Variants in TTC39B observed in about 807,000 individuals in gnomAD.
TTC39B encodes tetratricopeptide repeat domain 39B.
A neutral mutation model predicts 96.6 loss-of-function variants in TTC39B; 92 were observed. That is an observed-to-expected ratio of 0.95 (90% CI 0.80 to 1.13). The LOEUF (loss-of-function observed/expected upper bound fraction) is 1.13. Among genes scored for constraint, TTC39B ranks in the 50% most tolerant of loss-of-function variants. The pLI, the probability that TTC39B is intolerant of heterozygous loss-of-function variation, is 0.00. For synonymous variants in TTC39B, 367 were observed against 299.4 expected (o/e 1.23, Z -2.33); for missense variants, 955 against 809.3 (o/e 1.18, Z -2.18).
chr9:15,218,635 A>AAAAAAAAAAAAT (rs374054306), intron 3 of TTC39B, among the ~76,000 whole-genome samples: 2,924 of 149,458 alleles, frequency 0.02, 74 homozygotes, highest in African/African-American at 0.064. Flanking sequence ...GTCTATTTTA[A>AAAAAAAAAAAAT]ATATATATAT....
chr9:15,190,436 C>T, intron 11 of TTC39B, 118 bp downstream of exon 11: 1 of 819,402 alleles, frequency 1.2e-6, no homozygotes, highest in Middle Eastern at 3.1e-4. Context: ...GCCTCAAACT[C>T]CTGGGTTCAA....
At position 15,306,506 on chromosome 9, in the gene TTC39B, G is replaced by T. The variant is rs1243030837; in HGVS notation, c.240+578C>A. On this transcript the variant is annotated intron_variant, in intron 1 of 19. Transcript: ENST00000512701. This position sits in a 1 kb window ranked among gnomAD's most constrained non-coding sequence, Gnocchi z 5.1. ...AGAGGGAAGCACCACAGCCTGGGCT[G>T]CGGCTCTAGCCCTCCAGCCCCAGCC... is the stretch of plus-strand genomic sequence containing the variant. Among the ~76,000 whole-genome samples the T allele has an allele frequency of 6.6e-6, 1 of 152,198 alleles. No individual in the cohort carries two copies. The highest frequency in any genetic ancestry group is 2.4e-5 in the African/African-American group (1 of 41,452).
At chr9:15,211,306 C>T (rs149019264) in exon 5 of TTC39B, 29 of 1,585,186 alleles carry the variant, frequency 1.8e-5, no homozygotes, top group African/African-American at 2.7e-5. Context: ...GCAGAAATGC[C>T]GTTCTGGATG....
At chr9:15,253,568 T>C (rs1294131542) in intron 2 of TTC39B, among the ~76,000 whole-genome samples, 1 of 152,216 alleles carries the variant, frequency 6.6e-6, no homozygotes, top group Non-Finnish European at 1.5e-5. Flanking sequence ...AACACCAAGT[T>C]TTAATCTGTT....
At chr9:15,185,366 T>C (rs752511620) in exon 16 of TTC39B, 4 of 1,613,804 alleles carry the variant, frequency 2.5e-6, no homozygotes, top group Middle Eastern at 1.6e-4. Context: ...TCAGTAGGGA[T>C]AGATTTCCCG....
chr9:15,251,700 C>CATATATAT (rs57422881), intron 2 of TTC39B, among the ~76,000 whole-genome samples: 3,864 of 97,846 alleles, frequency 0.039, 119 homozygotes, highest in Non-Finnish European at 0.058. Flanking sequence ...CATACATATA[C>CATATATAT]ATATATATAT....
rs559025053 is a variant in TTC39B at position 15,199,660 on chromosome 9, G to A, written c.824+201C>T. On this transcript the variant is annotated intron_variant, in intron 8 of 19. Transcript: ENST00000512701. Reference sequence around the variant, plus strand: ...TGAGGCAGGAGAATGGCGTGAACCTGAGAGGCGGAGCTTGCAGTGAGCCGA... The same window carrying A: ...TGAGGCAGGAGAATGGCGTGAACCTAAGAGGCGGAGCTTGCAGTGAGCCGA... Among the ~76,000 whole-genome samples the A allele has an allele frequency of 3.5e-5, 5 of 142,914 alleles. No individual in the cohort carries two copies. In the East Asian group the frequency reaches 8.6e-4, roughly 24 times the overall value. 93.8% of individuals were successfully genotyped at this position (142,914 alleles called of 152,430 possible).
chr9:15,279,813 G>C (rs1243311170), intron 1 of TTC39B, among the ~76,000 whole-genome samples: 2 of 151,572 alleles, frequency 1.3e-5, no homozygotes, highest in Non-Finnish European at 2.9e-5. Context: ...ATTACTATTG[G>C]TGTCAGGAAA....
At chr9:15,287,237 T>C (rs1477136418) in intron 1 of TTC39B, among the ~76,000 whole-genome samples, 2 of 152,182 alleles carry the variant, frequency 1.3e-5, no homozygotes. Flanking sequence ...ATAGCGTACA[T>C]GGCTAAAACA....
intron 1 of TTC39B, among the ~76,000 whole-genome samples, chr9:15,296,544 G>A (rs1296128126): frequency 6.6e-6 from 1 of 152,118 alleles, no homozygotes; most frequent in African/African-American, 2.4e-5. Context: ...GCCTAGGCTG[G>A]AGCTCAATAG....
In TTC39B at chr9:15,227,415, T is replaced by G. The variant is rs987527777; in HGVS notation, c.276-1403A>C. ...CCCAATGCACTCTAATATTTTACAC[T>G]AGACATTCATTTTTATCTTGGATAT... On this transcript the variant is annotated intron_variant, in intron 2 of 19. Transcript: ENST00000512701. Among the ~76,000 whole-genome samples the G allele has an allele frequency of 3.9e-5, 6 of 152,294 alleles. No individual in the cohort carries two copies. In the East Asian group the frequency reaches 7.7e-4, roughly 20 times the overall value.
exon 20 of TTC39B, chr9:15,168,066 C>CA (rs1467064189): frequency 6.6e-6 from 1 of 152,144 alleles, no homozygotes; most frequent in Non-Finnish European, 1.5e-5. Context: ...TCATAGTAGA[C>CA]AGCAAGTAAA....
chr9:15,222,718 G>A (rs768918650), intron 3 of TTC39B, among the ~76,000 whole-genome samples: 1 of 152,110 alleles, frequency 6.6e-6, no homozygotes, highest in Non-Finnish European at 1.5e-5. Flanking sequence ...CTTGGTAAGT[G>A]AACTACAAAG....
exon 16 of TTC39B, chr9:15,185,351 ACTT>A (rs1818462970): frequency 6.2e-7 from 1 of 1,613,896 alleles, no homozygotes; most frequent in East Asian, 2.2e-5. Context: ...CTCACAGCAA[ACTT>A]CTCAGTAGGG....
chr9:15,181,922 T>C (rs376585839), intron 17 of TTC39B, among the ~76,000 whole-genome samples: 2 of 152,206 alleles, frequency 1.3e-5, no homozygotes, highest in Non-Finnish European at 2.9e-5. Context: ...CACAGTCAAC[T>C]GTAGAACACT....
At chr9:15,190,138 A>G (rs886332669) in intron 11 of TTC39B, among the ~76,000 whole-genome samples, 1 of 152,176 alleles carries the variant, frequency 6.6e-6, no homozygotes, top group Non-Finnish European at 1.5e-5. Flanking sequence ...CTTAATATAG[A>G]AATTTTAGCT....
intron 1 of TTC39B, among the ~76,000 whole-genome samples, chr9:15,300,629 T>C (rs1824549876): frequency 6.6e-6 from 1 of 152,194 alleles, no homozygotes; most frequent in African/African-American, 2.4e-5. Context: ...CTCACGCCTG[T>C]AATCCCAGCA....
chr9:15,183,238 A>G, intron 16 of TTC39B: 1 of 330,114 alleles, frequency 3.0e-6, no homozygotes, highest in South Asian at 2.3e-5. Context: ...AGGTATCTTT[A>G]TCTTATGGCA....
At chr9:15,281,678 A>ATT (rs57693563) in intron 1 of TTC39B, among the ~76,000 whole-genome samples, 4 of 137,890 alleles carry the variant, frequency 2.9e-5, no homozygotes, top group African/African-American at 5.6e-5. Context: ...CCTCTTCTGC[A>ATT]TTTTTTTTTT....
Sources: allele counts gnomAD v4.1 joint callset (sites outside exome capture counted in the v4.1 genomes callset), GRCh38; gene constraint gnomAD v4.1.1; non-coding constraint Gnocchi (gnomAD v3.1); transcripts MANE v1.5; gene names NCBI Gene and HGNC (gene_info 2026-07-23, HGNC 2026-07-21).